The following USP33 variants were observed in gnomAD, a reference collection of about 807,000 sequenced individuals.
USP33 encodes the protein ubiquitin specific peptidase 33.
A neutral mutation model predicts 124.2 loss-of-function variants in USP33; 46 were observed. That is an observed-to-expected ratio of 0.37 (90% CI 0.29 to 0.47). The LOEUF (loss-of-function observed/expected upper bound fraction) is 0.47. Ranked by LOEUF, USP33 falls within the 20% of genes least tolerant of loss-of-function variation. The pLI is 0.99. For synonymous variants in USP33, 350 were observed against 352.3 expected (o/e 0.99, Z 0.07); for missense variants, 851 against 1,070.6 (o/e 0.79, Z 2.86).
chr1:77,721,732 T>C, intron 14 of USP33, 99 bp downstream of exon 14: 1 of 1,083,444 alleles, frequency 9.2e-7, no homozygotes, highest in Non-Finnish European at 1.3e-6. Flanking sequence ...TATTAAGCTG[T>C]CTTAAAACTG....
intron 21 of USP33, among the ~76,000 whole-genome samples, chr1:77,703,321 C>T (rs1557811168): frequency 1.3e-5 from 2 of 152,280 alleles, no homozygotes; most frequent in East Asian, 3.9e-4. Flanking sequence ...CCTATCTTGA[C>T]CACCCTGTTT....
At chr1:77,756,405 T>G (rs1680807306) in intron 1 of USP33, among the ~76,000 whole-genome samples, 1 of 152,190 alleles carries the variant, frequency 6.6e-6, no homozygotes, top group African/African-American at 2.4e-5. Context: ...ACCTGGACCA[T>G]CTCCTTTCAG....
chr1:77,743,505 C>T (rs1243344619), intron 1 of USP33, among the ~76,000 whole-genome samples: 2 of 152,040 alleles, frequency 1.3e-5, no homozygotes, highest in Non-Finnish European at 2.9e-5. Flanking sequence ...GACAGGGCCT[C>T]ATTCTGTCAC....
chr1:77,728,757 A>G, intron 9 of USP33, 45 bp from the exon 10 acceptor site: 1 of 1,559,688 alleles, frequency 6.4e-7, no homozygotes, highest in Non-Finnish European at 8.7e-7. Context: ...TTACATGTGT[A>G]TATAGAAACG....
Position 77,713,180 on chromosome 1 carries a change from G to A in USP33, c.2297+20C>T. On this transcript the variant is annotated intron_variant, in intron 20 of 23. Transcript: ENST00000370794. The stretch of plus-strand genomic sequence containing the variant: ...TAACCGACTTTCACAACACTGTATG[G>A]TCTGATTTAAAAAACAAACCTGCTA... The A allele has an allele frequency of 6.3e-7, 1 of 1,591,986 alleles. No individual in the cohort carries two copies. The highest frequency in any genetic ancestry group is 8.5e-7 in the Non-Finnish European group (1 of 1,170,434).
chr1:77,702,141 CAAAAAAAAAAAAAAAAAAA>C (rs58750531), intron 21 of USP33, among the ~76,000 whole-genome samples: 1,445 of 15,808 alleles, frequency 0.091, 53 homozygotes, highest in African/African-American at 0.17. Context: ...GACCCTGTCT[CAAAAAAAAAAAAAAAAAAA>C]AAAAAAAAAA....
At position 77,697,378 on chromosome 1, in the gene USP33, T is replaced by C. The variant is rs2101139283; in HGVS notation, c.2675A>G (p.His892Arg). The C allele has an allele frequency of 1.2e-6, 2 of 1,612,952 alleles. No individual in the cohort carries two copies. Among genetic ancestry groups the C allele is most frequent in the East Asian group, 2.2e-5 (1 of 44,846 alleles). Residue 892 changes from histidine to arginine, a missense_variant, in exon 24 of 24, where the codon CAT (histidine) becomes CGT (arginine). By Grantham distance (29) the His-to-Arg change is conservative (BLOSUM62 0). Around this residue, in one of 4 missense-constraint regions of USP33, gnomAD observed 142 missense variants for 141.8 expected, o/e 1.00. Transcript: ENST00000370794. ...TGCTTGAAGTATATCTGGATCAACA[T>C]GAACAACCGGAGGTCGCAGGATAAC... ...PEVILRPPVVHVDPDILQAEE... is the reference protein window; with the variant it reads ...PEVILRPPVVRVDPDILQAEE...
chr1:77,699,046 T>A (rs991384584), intron 22 of USP33, among the ~76,000 whole-genome samples: 9 of 151,602 alleles, frequency 5.9e-5, no homozygotes, highest in Non-Finnish European at 1.3e-4. Flanking sequence ...CTTAAACAAA[T>A]TTACAATTAA....
chr1:77,740,304 C>T (rs1678973605), intron 4 of USP33, among the ~76,000 whole-genome samples: 1 of 151,942 alleles, frequency 6.6e-6, no homozygotes, highest in South Asian at 2.1e-4. Flanking sequence ...CTCTCTTGGG[C>T]TTCAACCTCC....
intron 7 of USP33, among the ~76,000 whole-genome samples, chr1:77,731,155 T>A (rs915662918): frequency 3.3e-5 from 5 of 152,192 alleles, no homozygotes; most frequent in African/African-American, 1.2e-4. Flanking sequence ...CCCTATATAC[T>A]TTTTTCCCCT....
chr1:77,734,756 CAA>C (rs2101508559), intron 6 of USP33, among the ~76,000 whole-genome samples: 1 of 152,206 alleles, frequency 6.6e-6, no homozygotes, highest in South Asian at 2.1e-4. Flanking sequence ...AAATTAATGA[CAA>C]TGCAAAAAAA....
intron 22 of USP33, among the ~76,000 whole-genome samples, chr1:77,700,082 A>T (rs1437605371): frequency 2.6e-5 from 4 of 152,234 alleles, no homozygotes; most frequent in Admixed American, 1.3e-4. Flanking sequence ...CAGGAAAAAC[A>T]GCTAATGCAT....
chr1:77,745,869 C>T (rs1679692977), intron 1 of USP33, among the ~76,000 whole-genome samples: 1 of 152,112 alleles, frequency 6.6e-6, no homozygotes, highest in African/African-American at 2.4e-5. Context: ...ATCTCTGGGA[C>T]ACATTTAAAG....
At chr1:77,738,585 A>G (rs1045595175) in intron 5 of USP33, among the ~76,000 whole-genome samples, 2 of 151,580 alleles carry the variant, frequency 1.3e-5, no homozygotes, top group Non-Finnish European at 2.9e-5. Context: ...GGTTCACGCC[A>G]TTCTCCTGCC....
At chr1:77,708,522 G>C (rs1010617559) in intron 21 of USP33, among the ~76,000 whole-genome samples, 55 of 152,194 alleles carry the variant, frequency 3.6e-4, no homozygotes, top group African/African-American at 1.3e-3. Context: ...TAGCTTCTCA[G>C]GTTTCTGAGC....
intron 1 of USP33, among the ~76,000 whole-genome samples, chr1:77,756,168 T>C (rs1459173208): frequency 6.6e-6 from 1 of 152,184 alleles, no homozygotes; most frequent in Non-Finnish European, 1.5e-5. Context: ...GACTTGAACT[T>C]CTGGGCTCAA....
In USP33 at chr1:77,722,107, T is replaced by C. The variant is rs1252878729; in HGVS notation, c.1479A>G (p.Pro493=). The change falls in exon 13 of 24, where the codon CCA becomes CCG. Residue 493 remains proline, a synonymous_variant. Coordinates refer to ENST00000370794, the MANE Select transcript of USP33 (RefSeq NM_201624.3). ...ATGATCCTGCTTTGACTATAGAAGTTGGATGACTTGATGAATGCAGCTTAG... is the reference window on the plus strand; with the variant it reads ...ATGATCCTGCTTTGACTATAGAAGTCGGATGACTTGATGAATGCAGCTTAG... ...DLAKLHSSSH[P]TSIVKAGSCG... The C allele has an allele frequency of 1.9e-6, 3 of 1,614,012 alleles. No homozygotes were observed. In the Admixed American group the frequency reaches 5.0e-5, roughly 27 times the overall value.
chr1:77,710,973 A>G (rs1354330145), intron 21 of USP33, among the ~76,000 whole-genome samples: 1 of 152,156 alleles, frequency 6.6e-6, no homozygotes, highest in African/African-American at 2.4e-5. Flanking sequence ...TTTTATGACC[A>G]CACTTTCTGT....
chr1:77,714,298 G>A (rs1209601368), intron 19 of USP33, among the ~76,000 whole-genome samples: 1 of 152,154 alleles, frequency 6.6e-6, no homozygotes, highest in Middle Eastern at 3.2e-3. Context: ...AATGTAAACA[G>A]CTGTTTATGT....
Sources: gnomAD v4.1 joint callset for allele counts (sites outside exome capture counted in the v4.1 genomes callset) on GRCh38, gnomAD v4.1.1 for gene constraint, gnomAD v4.1.1 regional missense constraint, MANE v1.5 for transcripts, NCBI Gene and HGNC (gene_info 2026-07-23, HGNC 2026-07-21) for gene names.